Variants in ZC3H12B observed in about 807,000 individuals in gnomAD.
ZC3H12B encodes zinc finger CCCH-type containing 12B, also known as probable ribonuclease ZC3H12B.
Under a neutral mutation model 43.9 loss-of-function variants are expected in ZC3H12B, and 7 were observed. That is an observed-to-expected ratio of 0.16 (90% CI 0.09 to 0.30). The LOEUF (loss-of-function observed/expected upper bound fraction) is 0.30, where lower values mean the gene tolerates loss of function less well. Among genes scored for constraint, ZC3H12B ranks in the 10% least tolerant of loss-of-function variants. The pLI is 1.00. For missense variants in ZC3H12B, 475 were observed against 670.2 expected, an observed-to-expected ratio of 0.71 and a Z score of 3.22; for synonymous variants, 222 against 241.7, an observed-to-expected ratio of 0.92 and a Z score of 0.76.
At chrX:65,256,715 A>G in the ZC3H12B span, among the ~76,000 whole-genome samples, 1 of 112,042 alleles carries the variant, frequency 8.9e-6, no homozygotes. Flanking sequence ...ATATTGAGAC[A>G]TGAAAAACCA....
At chrX:65,118,441 A>G in the ZC3H12B span, among the ~76,000 whole-genome samples, 2 of 111,594 alleles carry the variant, frequency 1.8e-5, no homozygotes, top group Non-Finnish European at 3.8e-5. Context: ...GAAGTTGCTT[A>G]TCAGCTTAAG....
chrX:65,281,897 G>A, the ZC3H12B span, among the ~76,000 whole-genome samples: 5 of 111,780 alleles, frequency 4.5e-5, no homozygotes, highest in East Asian at 2.8e-4. Context: ...CCTACAGAAT[G>A]TTAAGAAAGT....
the ZC3H12B span, among the ~76,000 whole-genome samples, chrX:65,285,291 G>A: frequency 3.6e-5 from 4 of 109,687 alleles, no homozygotes; most frequent in African/African-American, 1.3e-4. Context: ...TCCCTTGAGT[G>A]CCCAAAGTCC....
At chrX:65,123,140 C>T in the ZC3H12B span, among the ~76,000 whole-genome samples, 2 of 111,870 alleles carry the variant, frequency 1.8e-5, no homozygotes, top group African/African-American at 6.5e-5. Context: ...GCATGAAATG[C>T]TGTTGAATTT....
At chrX:65,159,165 G>T in the ZC3H12B span, among the ~76,000 whole-genome samples, 1 of 111,874 alleles carries the variant, frequency 8.9e-6, no homozygotes, top group South Asian at 3.7e-4. Flanking sequence ...ATGCTGTTTT[G>T]GTTACTGTAG....
the ZC3H12B span, among the ~76,000 whole-genome samples, chrX:65,244,946 G>T: frequency 9.1e-6 from 1 of 110,364 alleles, no homozygotes; most frequent in East Asian, 2.8e-4. Context: ...CTATCTTAGG[G>T]TCTTCATTTG....
the ZC3H12B span, among the ~76,000 whole-genome samples, chrX:65,101,481 A>G: frequency 8.9e-6 from 1 of 111,846 alleles, no homozygotes; most frequent in African/African-American, 3.2e-5. Flanking sequence ...TTAACAAAAT[A>G]AATAAACCAC....
the ZC3H12B span, among the ~76,000 whole-genome samples, chrX:65,268,868 A>C: frequency 2.7e-5 from 3 of 112,368 alleles, no homozygotes; most frequent in African/African-American, 9.7e-5. Flanking sequence ...TCTATTTATC[A>C]TAGTATTAGT....
At chrX:65,137,401 T>G in the ZC3H12B span, among the ~76,000 whole-genome samples, 1 of 112,191 alleles carries the variant, frequency 8.9e-6, no homozygotes, top group Non-Finnish European at 1.9e-5. Context: ...AATGCTTAAA[T>G]TTGCTATCTC....
the ZC3H12B span, among the ~76,000 whole-genome samples, chrX:65,326,477 G>A: frequency 4.3e-3 from 476 of 110,412 alleles, 3 homozygotes; most frequent in African/African-American, 0.015. Flanking sequence ...AAGATAGAGA[G>A]CAGATAAGGG....
At chrX:65,367,236 C>G (rs913119629) in intron 1 of ZC3H12B, among the ~76,000 whole-genome samples, 97 of 111,863 alleles carry the variant, frequency 8.7e-4, no homozygotes, top group African/African-American at 3.0e-3. Flanking sequence ...TATAGGTACA[C>G]AAGACTGACT....
the ZC3H12B span, among the ~76,000 whole-genome samples, chrX:65,120,245 C>T: frequency 8.9e-6 from 1 of 111,791 alleles, no homozygotes; most frequent in Non-Finnish European, 1.9e-5. Flanking sequence ...GGCAGTATGG[C>T]CATTTTCACG....
chrX:65,137,370 C>T, the ZC3H12B span, among the ~76,000 whole-genome samples: 2 of 111,934 alleles, frequency 1.8e-5, no homozygotes, highest in African/African-American at 6.5e-5. Flanking sequence ...TTCAGTGTTG[C>T]TTGTTTGAGA....
the ZC3H12B span, among the ~76,000 whole-genome samples, chrX:65,274,374 C>A: frequency 1.8e-5 from 2 of 110,531 alleles, no homozygotes; most frequent in South Asian, 7.7e-4. Context: ...GTAGCCTGCT[C>A]TAGGGGCCAG....
chrX:65,155,011 A>C, the ZC3H12B span, among the ~76,000 whole-genome samples: 1 of 107,546 alleles, frequency 9.3e-6, no homozygotes, highest in East Asian at 2.9e-4. Flanking sequence ...GTGGGAGTAC[A>C]GTGGCACAAT....
chrX:65,502,819 C>T, exon 5 of ZC3H12B: 16 of 1,210,035 alleles, frequency 1.3e-5, no homozygotes, highest in Non-Finnish European at 1.8e-5. Context: ...TTTCCGACTC[C>T]CGCCTCTATG....
At chrX:65,351,571 G>C in the ZC3H12B span, among the ~76,000 whole-genome samples, 3 of 112,224 alleles carry the variant, frequency 2.7e-5, no homozygotes, top group African/African-American at 6.5e-5. Context: ...CTATCCATCT[G>C]ACAAAGGGCT....
the ZC3H12B span, among the ~76,000 whole-genome samples, chrX:65,224,919 C>T: frequency 8.9e-6 from 1 of 112,203 alleles, no homozygotes; most frequent in African/African-American, 3.2e-5. Context: ...GGCCTGCCTG[C>T]CTCTGTAGGC....
the ZC3H12B span, among the ~76,000 whole-genome samples, chrX:65,300,559 G>C: frequency 9.0e-6 from 1 of 111,431 alleles, no homozygotes; most frequent in East Asian, 2.8e-4. Flanking sequence ...CCCCCACCTG[G>C]TGGTCTTTCT....
Sources: allele counts gnomAD v4.1 joint callset (sites outside exome capture counted in the v4.1 genomes callset), GRCh38; gene constraint gnomAD v4.1.1; transcripts MANE v1.5; gene names NCBI Gene and HGNC (gene_info 2026-07-23, HGNC 2026-07-21).